Variants in CABIN1 observed in about 807,000 individuals in gnomAD.
The protein encoded by CABIN1 is calcineurin-binding protein cabin-1.
CABIN1 carries 133 observed loss-of-function variants against 227.7 expected under a neutral mutation model. The ratio of observed to expected loss-of-function variants is 0.58; its 90% CI spans 0.51 to 0.67. The LOEUF (loss-of-function observed/expected upper bound fraction) is 0.67, where lower values mean the gene tolerates loss of function less well. Among genes scored for constraint, CABIN1 ranks in the 30% least tolerant of loss-of-function variants. CABIN1 has a pLI of 0.00. For missense variants in CABIN1, 2,408 were observed against 2,852.5 expected (o/e 0.84, Z 3.55); for synonymous variants, 1,086 against 1,155.1 (o/e 0.94, Z 1.21).
intron 29 of CABIN1, among the ~76,000 whole-genome samples, chr22:24,156,343 C>G (rs967254433): frequency 6.6e-6 from 1 of 151,996 alleles, no homozygotes; most frequent in African/African-American, 2.4e-5. Flanking sequence ...CCAGGGCGGG[C>G]TGGCACCCGG....
chr22:24,076,176 A>G lies in CABIN1; in HGVS notation c.2640A>G (p.Ser880=), dbSNP rs752117866. The G allele has an allele frequency of 9.9e-6, 16 of 1,613,820 alleles. No homozygotes were observed. In the African/African-American group the frequency reaches 2.1e-4, roughly 22 times the overall value. The change falls in exon 19 of 37, where the codon TCA becomes TCG. Residue 880 remains serine, a synonymous_variant. Coordinates refer to ENST00000263119, the MANE Select transcript of CABIN1 (RefSeq NM_012295.4). ...GGCCTGGGCTTTCCCTAGGGATGTCAGAGACGCCCATGCTCCCATCCTCCC... is the reference window on the plus strand; with the variant it reads ...GGCCTGGGCTTTCCCTAGGGATGTCGGAGACGCCCATGCTCCCATCCTCCC... ...QLQNPAEEGM[S]ETPMLPSSLM...
In CABIN1 at chr22:24,015,252, C is replaced by T. The variant is rs573804321; in HGVS notation, c.-75+3885C>T. The stretch of plus-strand genomic sequence containing the variant: ...CTGCACTCCAGCCTGGGTGACCGGC[C>T]GAGTGAGAATCCATCTCCAAAAAAA... On this transcript the variant is annotated intron_variant, in intron 1 of 36. Transcript: ENST00000263119. Among the ~76,000 whole-genome samples the T allele has an allele frequency of 4.6e-4, 53 of 114,088 alleles. No individual in the cohort carries two copies. In the South Asian group the frequency reaches 0.015, roughly 33 times the overall value. The allele number at this position is 114,088 out of a possible 152,430, so 74.8% of individuals were successfully genotyped here. A position where few individuals can be genotyped will look rare whatever the true frequency, so the allele number is the denominator to read the frequency against.
rs191818124 is a variant in CABIN1 at position 24,019,292 on chromosome 22, G to C, written c.-75+7925G>C. 5.0e-4 allele frequency among the ~76,000 whole-genome samples: 74 copies of C among 149,368 alleles called. 3 individuals are homozygous for C. In the East Asian group the frequency reaches 0.014, roughly 28 times the overall value. On this transcript the variant is annotated intron_variant, in intron 1 of 36. Coordinates refer to ENST00000263119, the MANE Select transcript of CABIN1 (RefSeq NM_012295.4). ...ATTACAGGCATGCGCCACCATGCCC[G>C]GCTGATTTTTTGTATTTTTGGTAGA...
chr22:24,126,828 G>C (rs143237138), intron 28 of CABIN1, among the ~76,000 whole-genome samples: 1 of 152,010 alleles, frequency 6.6e-6, no homozygotes, highest in Non-Finnish European at 1.5e-5. Context: ...GCAAAACCCC[G>C]TCTCAACTAA....
At chr22:24,171,597 G>T in intron 33 of CABIN1, 116 bp from the exon 34 acceptor site, 1 of 1,233,952 alleles carries the variant, frequency 8.1e-7, no homozygotes, top group Non-Finnish European at 1.2e-6. Flanking sequence ...GGGCAGTGTT[G>T]GCAGCCCCAG....
intron 21 of CABIN1, 93 bp from the exon 22 acceptor site, chr22:24,084,913 G>T: frequency 6.4e-7 from 1 of 1,566,856 alleles, no homozygotes; most frequent in East Asian, 2.2e-5. Flanking sequence ...AGAGGCTGGA[G>T]AGTCTGTCCT....
intron 26 of CABIN1, among the ~76,000 whole-genome samples, chr22:24,111,127 T>G (rs1180548674): frequency 6.6e-6 from 1 of 152,218 alleles, no homozygotes; most frequent in East Asian, 1.9e-4. Context: ...CAACTTACAA[T>G]GGGGTTATTT....
intron 31 of CABIN1, 105 bp from the exon 32 acceptor site, chr22:24,166,534 G>C (rs2046456651): frequency 5.1e-6 from 7 of 1,381,566 alleles, no homozygotes. Context: ...GAGCCACACA[G>C]ATGTCAGGTG....
At chr22:24,069,744 AGG>A (rs1411977867) in intron 16 of CABIN1, among the ~76,000 whole-genome samples, 1 of 151,250 alleles carries the variant, frequency 6.6e-6, no homozygotes, top group African/African-American at 2.5e-5. Context: ...CCTGGCAATT[AGG>A]ATTTATAAAT....
At chr22:24,065,877 G>A (rs1391355299) in intron 15 of CABIN1, among the ~76,000 whole-genome samples, 1 of 152,236 alleles carries the variant, frequency 6.6e-6, no homozygotes, top group Non-Finnish European at 1.5e-5. Flanking sequence ...GGCGGCGCAC[G>A]CCTGCAATCG....
intron 29 of CABIN1, among the ~76,000 whole-genome samples, chr22:24,157,357 AGG>A (rs1248283750): frequency 6.6e-6 from 1 of 152,098 alleles, no homozygotes; most frequent in Non-Finnish European, 1.5e-5. Flanking sequence ...ACTCCTGAGT[AGG>A]GAGGCTCCAG....
chr22:24,054,549 G>A (rs2038628874), intron 8 of CABIN1, among the ~76,000 whole-genome samples: 1 of 152,194 alleles, frequency 6.6e-6, no homozygotes, highest in Non-Finnish European at 1.5e-5. Flanking sequence ...AGTTTTTGAA[G>A]TGAGTCAATG....
Position 24,154,966 on chromosome 22 carries a change from GCGCTATGTGATAAGAGAGAAGCT to G in CABIN1, c.4747-9409_4747-9387del, listed in dbSNP as rs994022941. Among the ~76,000 whole-genome samples the G allele has an allele frequency of 1.8e-4, 27 of 152,218 alleles. No homozygotes were observed. In the South Asian group the frequency reaches 2.3e-3, roughly 13 times the overall value. ...CTGGGTGTCTGTGGAGGGAGGAACG[GCGCTATGTGATAAGAGAGAAGCT>G]CGCTATGTGATAAGAGAGAAGCTCA... On this transcript the variant is annotated intron_variant, in intron 29 of 36. Transcript: ENST00000263119.
intron 19 of CABIN1, among the ~76,000 whole-genome samples, chr22:24,082,496 A>G (rs1021725444): frequency 2.0e-4 from 31 of 152,248 alleles, no homozygotes; most frequent in African/African-American, 6.7e-4. Flanking sequence ...TTTTTATATA[A>G]TTGATTTCTA....
chr22:24,162,214 A>C (rs2046197860), intron 29 of CABIN1: 1 of 152,200 alleles, frequency 6.6e-6, no homozygotes, highest in East Asian at 1.9e-4. Flanking sequence ...ACCGTTCGGG[A>C]GGTATGTCCA....
At chr22:24,107,881 C>A (rs2042602880) in intron 26 of CABIN1, among the ~76,000 whole-genome samples, 1 of 152,212 alleles carries the variant, frequency 6.6e-6, no homozygotes, top group South Asian at 2.1e-4. Flanking sequence ...GGATGTGCTG[C>A]TGAGCTGTGC....
At position 24,166,774 on chromosome 22, in the gene CABIN1, T is replaced by C; in HGVS notation, c.5143T>C (p.Ser1715Pro). ...GAAGAAGCCCCCTCTGGCTGATGGC[T>C]CAGGGCCAGGGCCCGAGCCAGGAGG... is the stretch of plus-strand genomic sequence containing the variant. The part of the protein sequence containing the change: ...QPKKPPLADG[S>P]GPGPEPGGKV... The change falls in exon 32 of 37, where the codon TCA becomes CCA. Residue 1715 changes from serine to proline, a missense_variant. Ser to Pro is a moderately conservative substitution (Grantham distance 74). Around this residue, in one of 3 missense-constraint regions of CABIN1, gnomAD observed 714 missense variants for 773.8 expected, o/e 0.92. Coordinates refer to ENST00000263119, the MANE Select transcript of CABIN1 (RefSeq NM_012295.4). 6.2e-7 allele frequency: 1 copy of C among 1,612,878 alleles called. No homozygotes were observed. The highest frequency in any genetic ancestry group is 8.5e-7 in the Non-Finnish European group (1 of 1,179,990).
rs762125900 is a variant in CABIN1, at chr22:24,166,713, C to T, written c.5082C>T (p.Ala1694=). Residue 1694 remains alanine, a synonymous_variant, in exon 32 of 37, where the codon GCC becomes GCT. Transcript: ENST00000263119. ...ARMTTDVSHK[A]SPEDGQEGLP... is the part of the protein sequence containing the mutation. ...TGACCACCGATGTCTCACACAAGGC[C>T]AGTCCTGAGGATGGCCAGGAGGGCC... The T allele has an allele frequency of 5.6e-6, 9 of 1,612,930 alleles. No homozygotes were observed. Among genetic ancestry groups the T allele is most frequent in the Non-Finnish European group, 6.8e-6 (8 of 1,180,032 alleles).
rs201975788 is a variant in CABIN1 at position 24,062,791 on chromosome 22, G to GT, written c.1697-167dup. ...TCTCTGCATATCTTTGTCTTAACTG[G>GT]TCCAACCTCTCTGATGCCTGCCACT... On this transcript the variant is annotated intron_variant, in intron 13 of 36. Transcript: ENST00000263119. Among the ~76,000 whole-genome samples, 1,465 of 152,232 alleles carry GT rather than the reference G, an allele frequency of 9.6e-3. 30 individuals carry two copies. Among genetic ancestry groups the GT allele is most frequent in the African/African-American group, 0.033 (1,377 of 41,520 alleles).
Sources: gnomAD v4.1 joint callset for allele counts (sites outside exome capture counted in the v4.1 genomes callset) on GRCh38, gnomAD v4.1.1 for gene constraint, gnomAD v4.1.1 regional missense constraint, MANE v1.5 for transcripts, NCBI Gene and HGNC (gene_info 2026-07-23, HGNC 2026-07-21) for gene names.